Variants in COL11A2 observed in about 807,000 individuals in gnomAD.
COL11A2 encodes collagen alpha-2(XI) chain.
A neutral mutation model predicts 273.4 loss-of-function variants in COL11A2; 116 were observed. The observed-to-expected ratio is 0.42, with a 90% CI of 0.36 to 0.49. The LOEUF (loss-of-function observed/expected upper bound fraction) is 0.49. Among genes scored for constraint, COL11A2 ranks in the 20% least tolerant of loss-of-function variants. The pLI is 0.00. For synonymous variants in COL11A2, 782 were observed against 864.2 expected (o/e 0.90, Z 1.67); for missense variants, 1,866 against 2,309.0 (o/e 0.81, Z 3.93).
rs2150601146 is a variant in COL11A2, at chr6:33,184,224, G to A, written c.1040C>T (p.Thr347Ile). 2 of 1,367,642 alleles carry A rather than the reference G, an allele frequency of 1.5e-6. No individual in the cohort carries two copies. Among genetic ancestry groups the A allele is most frequent in the Non-Finnish European group, 2.0e-6 (2 of 1,021,994 alleles). The allele number at this position is 1,367,642 out of a possible 1,614,324, so 84.7% of individuals were successfully genotyped here. The change falls in exon 8 of 66, where the codon ACC becomes ATC. Residue 347 changes from threonine to isoleucine, a missense_variant. Physicochemically the swap from Thr to Ile is moderately conservative, Grantham distance 89. Coordinates refer to ENST00000341947, the MANE Select transcript of COL11A2 (RefSeq NM_080680.3). ...ACGATAATCATCCCCATAGCCATAGGTGTAATCGTAGGGCCCTTCAGGGGG... is the reference window on the plus strand; with the variant it reads ...ACGATAATCATCCCCATAGCCATAGATGTAATCGTAGGGCCCTTCAGGGGG... ...TDPPEGPYDY[T>I]YGYGDDYREE...
In COL11A2 at chr6:33,189,404, C is replaced by A. The variant is rs1448424236; in HGVS notation, c.148G>T (p.Ala50Ser). 2 of 1,613,068 alleles carry A rather than the reference C, an allele frequency of 1.2e-6. No homozygotes were observed. The highest frequency in any genetic ancestry group is 1.3e-5 in the African/African-American group (1 of 74,920). Reference protein sequence around the residue: ...FPSLPDGVRRAKGICPADVAY... With the variant: ...FPSLPDGVRRSKGICPADVAY... ...ACATCAGCTGGACAGATGCCTTTCG[C>A]TCTCCGGACACCATCAGGGAGGGAG... The change falls in exon 2 of 66, where the codon GCG becomes TCG. Residue 50 changes from alanine to serine, a missense_variant. Ala to Ser is a moderately conservative substitution (Grantham distance 99). Coordinates refer to ENST00000341947, the MANE Select transcript of COL11A2 (RefSeq NM_080680.3). The surrounding 1 kb of genome is among the most constrained non-coding windows in gnomAD (Gnocchi z 5.6).
rs199531398 is a variant in COL11A2 at position 33,173,811 on chromosome 6, G to A, written c.2583+62C>T. The A allele has an allele frequency of 2.5e-6, 4 of 1,610,848 alleles. No individual in the cohort carries two copies. Among genetic ancestry groups the A allele is most frequent in the East Asian group, 2.2e-5 (1 of 44,794 alleles). ...TTCCAGCTGTCCCCGAGGTCAGGAT[G>A]TTGAGGGAGAGCTGGGGCTGAGTGG... On this transcript the variant is annotated intron_variant, in intron 34 of 65. Transcript: ENST00000341947. The surrounding 1 kb of genome is among the most constrained non-coding windows in gnomAD (Gnocchi z 6.3).
intron 29 of COL11A2, 33 bp downstream of exon 29, chr6:33,175,983 C>A (rs141252722): frequency 3.3e-5 from 53 of 1,612,152 alleles, no homozygotes; most frequent in Non-Finnish European, 4.3e-5. Flanking sequence ...CAGTAGAACA[C>A]GGAATTGGGG....
rs1379735547 is a variant in COL11A2, at chr6:33,173,159, C to A, written c.2737-46G>T. ...AATGCAGTGAAAGCAGGTGTGGGCG[C>A]TGTGGGGCAGATTCCCAGGAGGAAG... On this transcript the variant is annotated intron_variant, in intron 37 of 65. Coordinates refer to ENST00000341947, the MANE Select transcript of COL11A2 (RefSeq NM_080680.3). The surrounding 1 kb of genome is among the most constrained non-coding windows in gnomAD (Gnocchi z 6.3). 2.5e-6 allele frequency: 4 copies of A among 1,589,428 alleles called. No individual in the cohort carries two copies. The highest frequency in any genetic ancestry group is 3.4e-6 in the Non-Finnish European group (4 of 1,166,544).
chr6:33,186,845 G>A (rs111583750), intron 4 of COL11A2, 27 bp from the exon 5 acceptor site: 46 of 1,613,288 alleles, frequency 2.9e-5, no homozygotes, highest in African/African-American at 5.3e-5. Flanking sequence ...GAGATGGAGC[G>A]GAGAGATTCA....
In COL11A2 at chr6:33,168,546, A is replaced by C; in HGVS notation, c.3933T>G (p.Asn1311Lys). The change falls in exon 54 of 66, where the codon AAT becomes AAG. Residue 1311 changes from asparagine (N) to lysine (K), a missense_variant. Transcript: ENST00000341947. ...QPGSPGPTGE[N>K]GPPGPLGKRG... Reference sequence around the variant, plus strand: ...GCTTTCCAAGTGGCCCTGGGGGTCCATTCTCCCCGGTGGGACCAGGGGATC... The same window carrying C: ...GCTTTCCAAGTGGCCCTGGGGGTCCCTTCTCCCCGGTGGGACCAGGGGATC... The C allele has an allele frequency of 6.2e-7, 1 of 1,613,500 alleles. No homozygotes were observed. The highest frequency in any genetic ancestry group is 8.5e-7 in the Non-Finnish European group (1 of 1,179,874).
chr6:33,178,838 G>C lies in COL11A2; in HGVS notation c.1665+82C>G. Reference sequence around the variant, plus strand: ...GGTGCTGATCCTGGGGAAGCCTGGAGAACTAGGTCATCCCCAAGAAACAAC... The same window carrying C: ...GGTGCTGATCCTGGGGAAGCCTGGACAACTAGGTCATCCCCAAGAAACAAC... On this transcript the variant is annotated intron_variant, in intron 17 of 65. Coordinates refer to ENST00000341947, the MANE Select transcript of COL11A2 (RefSeq NM_080680.3). The surrounding 1 kb of genome is among the most constrained non-coding windows in gnomAD (Gnocchi z 4.6). 2 of 1,607,238 alleles carry C rather than the reference G, an allele frequency of 1.2e-6. No homozygotes were observed. The highest frequency in any genetic ancestry group is 3.3e-5 in the Admixed American group (2 of 59,920).
Position 33,178,806 on chromosome 6 carries a change from C to A in COL11A2, c.1666-74G>T. On this transcript the variant is annotated intron_variant, in intron 17 of 65. Coordinates refer to ENST00000341947, the MANE Select transcript of COL11A2 (RefSeq NM_080680.3). The surrounding 1 kb of genome is among the most constrained non-coding windows in gnomAD (Gnocchi z 4.6). ...CCACCCCTCCCTACTGCACCCTGAG[C>A]TGGGGGGGTGCTGATCCTGGGGAAG... The A allele has an allele frequency of 1.7e-5, 27 of 1,603,572 alleles. No individual in the cohort carries two copies. The highest frequency in any genetic ancestry group is 2.3e-5 in the Non-Finnish European group (27 of 1,171,552).
At position 33,169,569 on chromosome 6, in the gene COL11A2, T is replaced by C; in HGVS notation, c.3691-79A>G. On this transcript the variant is annotated intron_variant, in intron 50 of 65. Transcript: ENST00000341947. The surrounding 1 kb of genome is among the most constrained non-coding windows in gnomAD (Gnocchi z 5.5). ...TGCAGCCTCTGCTTCCGAGACACCT[T>C]CAGCCATCCCCTACTCCCCTCAGTG... The C allele has an allele frequency of 7.2e-7, 1 of 1,396,146 alleles. No individual in the cohort carries two copies. Among genetic ancestry groups the C allele is most frequent in the East Asian group, 2.3e-5 (1 of 42,786 alleles). 86.5% of individuals were successfully genotyped at this position (1,396,146 alleles called of 1,614,324 possible). A position where few individuals can be genotyped will look rare whatever the true frequency, so the allele number is the denominator to read the frequency against.
chr6:33,164,343 C>T lies in COL11A2; in HGVS notation c.4994G>A (p.Arg1665Lys), dbSNP rs1768765722. 1.9e-6 allele frequency: 3 copies of T among 1,612,834 alleles called. No homozygotes were observed. Among genetic ancestry groups the T allele is most frequent in the African/African-American group, 2.7e-5 (2 of 74,918 alleles). ...CSGAARDGPLRLRGANEDELS... is the reference protein window; with the variant it reads ...CSGAARDGPLKLRGANEDELS... ...CTCATCCTCATTGGCCCCACGGAGT[C>T]TCAGGGGACCGTCACGGGCTGCTCC... The change falls in exon 65 of 66, where the codon AGA (arginine) becomes AAA (lysine). Residue 1665 changes from arginine (R) to lysine (K), a missense_variant. Physicochemically the swap from Arg to Lys is conservative, Grantham distance 26 (BLOSUM62 2). Coordinates refer to ENST00000341947, the MANE Select transcript of COL11A2 (RefSeq NM_080680.3). This position sits in a 1 kb window ranked among gnomAD's most constrained non-coding sequence, Gnocchi z 4.7.
chr6:33,184,329 C>A lies in COL11A2; in HGVS notation c.940-5G>T, dbSNP rs772311465. On this transcript the variant is annotated splice_polypyrimidine_tract_variant and splice_region_variant and intron_variant, in intron 7 of 65. Coordinates refer to ENST00000341947, the MANE Select transcript of COL11A2 (RefSeq NM_080680.3). ...GACCTGGAGATCTGTCTGCTCCTTC[C>A]CAGGGATGGGGAGGGAGAGGGGTAG... 7.3e-7 allele frequency: 1 copy of A among 1,365,464 alleles called. No individual in the cohort carries two copies. Among genetic ancestry groups the A allele is most frequent in the South Asian group, 1.1e-5 (1 of 88,024 alleles). The allele number at this position is 1,365,464 out of a possible 1,614,324, so 84.6% of individuals were successfully genotyped here.
At position 33,189,411 on chromosome 6, in the gene COL11A2, G is replaced by T. The variant is rs1772834841; in HGVS notation, c.141C>A (p.Val47=). The change falls in exon 2 of 66, where the codon GTC becomes GTA. Residue 47 remains valine, a synonymous_variant. Transcript: ENST00000341947. This position sits in a 1 kb window ranked among gnomAD's most constrained non-coding sequence, Gnocchi z 5.6. The part of the protein sequence containing the change: ...ALRFPSLPDG[V]RRAKGICPAD... Reference sequence around the variant, plus strand: ...CTGGACAGATGCCTTTCGCTCTCCGGACACCATCAGGGAGGGAGGGGAACC... The same window carrying T: ...CTGGACAGATGCCTTTCGCTCTCCGTACACCATCAGGGAGGGAGGGGAACC... 1 of 1,613,132 alleles carries T rather than the reference G, an allele frequency of 6.2e-7. No individual in the cohort carries two copies. Among genetic ancestry groups the T allele is most frequent in the Non-Finnish European group, 8.5e-7 (1 of 1,180,018 alleles).
Position 33,165,906 on chromosome 6 carries a change from G to A in COL11A2, c.4482+25C>T, listed in dbSNP as rs1769059927. ...AGTGGAGCAGAGGGGTACGGCCCTG[G>A]GAGCAGCCCTGACTCCTCACTCACC... On this transcript the variant is annotated intron_variant, in intron 62 of 65. Coordinates refer to ENST00000341947, the MANE Select transcript of COL11A2 (RefSeq NM_080680.3). This position sits in a 1 kb window ranked among gnomAD's most constrained non-coding sequence, Gnocchi z 7.7. The A allele has an allele frequency of 1.9e-6, 3 of 1,613,656 alleles. No individual in the cohort carries two copies. Among genetic ancestry groups the A allele is most frequent in the Non-Finnish European group, 2.5e-6 (3 of 1,180,002 alleles).
Position 33,181,107 on chromosome 6 carries a change from TTA to T in COL11A2, c.1179+2_1179+3del. On this transcript the variant is annotated splice_donor_variant and splice_donor_region_variant and intron_variant, in intron 9 of 65. Transcript: ENST00000341947. LOFTEE classifies it high-confidence loss of function. ...GCCTCAGCCCTGTGACCAGCATAACTTACAGGTTCCAACACTGCAGGCTCTCC... is the reference window on the plus strand; with the variant it reads ...GCCTCAGCCCTGTGACCAGCATAACTCAGGTTCCAACACTGCAGGCTCTCC... The T allele has an allele frequency of 6.2e-7, 1 of 1,614,084 alleles. No individual in the cohort carries two copies. The highest frequency in any genetic ancestry group is 8.5e-7 in the Non-Finnish European group (1 of 1,179,990).
chr6:33,173,157 C>T lies in COL11A2; in HGVS notation c.2737-44G>A, dbSNP rs755018769. The T allele has an allele frequency of 3.6e-5, 57 of 1,589,774 alleles. No homozygotes were observed. In the Admixed American group the frequency reaches 6.3e-4, roughly 18 times the overall value. ...AGAATGCAGTGAAAGCAGGTGTGGG[C>T]GCTGTGGGGCAGATTCCCAGGAGGA... On this transcript the variant is annotated intron_variant, in intron 37 of 65. Transcript: ENST00000341947. The surrounding 1 kb of genome is among the most constrained non-coding windows in gnomAD (Gnocchi z 6.3).
Position 33,189,084 on chromosome 6 carries a change from C to T in COL11A2, c.337G>A (p.Gly113Ser). ...LYSAQGVRQL[G>S]LELGRPVRFL... ...CGGACAGGTCGGCCCAGCTCCAGGC[C>T]CAGCTGTCGGACACCCTGGGCACTG... The change falls in exon 3 of 66, where the codon GGC becomes AGC. Residue 113 changes from glycine to serine, a missense_variant. Physicochemically the swap from Gly to Ser is moderately conservative, Grantham distance 56. Transcript: ENST00000341947. The surrounding 1 kb of genome is among the most constrained non-coding windows in gnomAD (Gnocchi z 5.6). 6.2e-7 allele frequency: 1 copy of T among 1,614,162 alleles called. No individual in the cohort carries two copies.
At position 33,166,182 on chromosome 6, in the gene COL11A2, T is replaced by C; in HGVS notation, c.4417A>G (p.Lys1473Glu). 1 of 1,605,984 alleles carries C rather than the reference T, an allele frequency of 6.2e-7. No individual in the cohort carries two copies. The highest frequency in any genetic ancestry group is 1.1e-5 in the South Asian group (1 of 89,260). Residue 1473 changes from lysine (K) to glutamate (E), a missense_variant, in exon 61 of 66, where the codon AAA (lysine) becomes GAA (glutamate). By Grantham distance (56) the Lys-to-Glu change is moderately conservative (BLOSUM62 1). Coordinates refer to ENST00000341947, the MANE Select transcript of COL11A2 (RefSeq NM_080680.3). This position sits in a 1 kb window ranked among gnomAD's most constrained non-coding sequence, Gnocchi z 4.8. The part of the protein sequence containing the change: ...LPGPAGPKGA[K>E]GATGPGGPKG... ...AGGGGGTCACTCACTGTGGCTCCTT[T>C]GGCTCCTTTGGGGCCAGCAGGTCCC... is the stretch of plus-strand genomic sequence containing the variant.
In COL11A2 at chr6:33,176,386, G is replaced by A. The variant is rs1299359355; in HGVS notation, c.2169+47C>T. On this transcript the variant is annotated intron_variant, in intron 27 of 65. Coordinates refer to ENST00000341947, the MANE Select transcript of COL11A2 (RefSeq NM_080680.3). The surrounding 1 kb of genome is among the most constrained non-coding windows in gnomAD (Gnocchi z 4.9). ...GACCAAGCTCCTAAGACCCCATATAGCTCCCCTGACCACAGCCCTTTGTCT... is the reference window on the plus strand; with the variant it reads ...GACCAAGCTCCTAAGACCCCATATAACTCCCCTGACCACAGCCCTTTGTCT... The A allele has an allele frequency of 6.2e-7, 1 of 1,606,502 alleles. No individual in the cohort carries two copies. Among genetic ancestry groups the A allele is most frequent in the South Asian group, 1.1e-5 (1 of 90,240 alleles).
In COL11A2 at chr6:33,179,227, T is replaced by C. The variant is rs956209003; in HGVS notation, c.1557+4A>G. The C allele has an allele frequency of 4.3e-6, 7 of 1,611,794 alleles. No homozygotes were observed. In the African/African-American group the frequency reaches 9.4e-5, roughly 22 times the overall value. The stretch of plus-strand genomic sequence containing the variant: ...ATGGGGGTGCAGTGGAGGAAAGTGG[T>C]CACCTGAGGTCCTAAGTCTCCAGAC... On this transcript the variant is annotated splice_donor_region_variant and intron_variant, in intron 15 of 65. Transcript: ENST00000341947. The surrounding 1 kb of genome is among the most constrained non-coding windows in gnomAD (Gnocchi z 6.4).
Sources: gnomAD v4.1 joint callset for allele counts on GRCh38, gnomAD v4.1.1 for gene constraint, Gnocchi (gnomAD v3.1) non-coding constraint, MANE v1.5 for transcripts, NCBI Gene and HGNC (gene_info 2026-07-23, HGNC 2026-07-21) for gene names.